The following STPG2 variants were observed in gnomAD, a reference collection of about 807,000 sequenced individuals.
STPG2 encodes the protein sperm tail PG-rich repeat containing 2.
Under a neutral mutation model 54.2 loss-of-function variants are expected in STPG2, and 56 were observed. The ratio of observed to expected loss-of-function variants is 1.03; its 90% CI spans 0.83 to 1.29. The LOEUF (loss-of-function observed/expected upper bound fraction) is 1.29, where lower values mean the gene tolerates loss of function less well. STPG2 is among the 50% of genes most tolerant of loss of function. STPG2 has a pLI of 0.00. For missense variants in STPG2, 596 were observed against 544.9 expected, an observed-to-expected ratio of 1.09 and a Z score of -0.93; for synonymous variants, 200 against 181.8, an observed-to-expected ratio of 1.10 and a Z score of -0.81.
intron 4 of STPG2, among the ~76,000 whole-genome samples, chr4:97,447,549 G>A (rs564595870): frequency 6.6e-6 from 1 of 151,632 alleles, no homozygotes; most frequent in South Asian, 2.1e-4. Context: ...CTATGACCCA[G>A]ATGCTTCAGC....
chr4:98,056,553 T>C (rs1302839627), intron 5 of STPG2, among the ~76,000 whole-genome samples: 1 of 152,046 alleles, frequency 6.6e-6, no homozygotes, highest in African/African-American at 2.4e-5. Context: ...AGCTGTGTGC[T>C]GGCCCCCTAA....
intron 5 of STPG2, among the ~76,000 whole-genome samples, chr4:98,007,069 C>G (rs940346911): frequency 6.6e-6 from 1 of 152,188 alleles, no homozygotes; most frequent in South Asian, 2.1e-4. Flanking sequence ...AGCTTCACCC[C>G]CTGCTCCAAG....
intron 5 of STPG2, among the ~76,000 whole-genome samples, chr4:98,003,714 T>C (rs566348426): frequency 2.0e-5 from 3 of 152,238 alleles, no homozygotes; most frequent in African/African-American, 7.2e-5. Flanking sequence ...GTTGTATCAA[T>C]TATTCATTTA....
chr4:97,499,814 C>T (rs1048367962), intron 4 of STPG2, among the ~76,000 whole-genome samples: 10 of 151,774 alleles, frequency 6.6e-5, no homozygotes, highest in African/African-American at 2.2e-4. Context: ...CAAGGGCAGG[C>T]GTGAGAAACA....
chr4:97,860,286 G>A (rs928898017), intron 8 of STPG2, among the ~76,000 whole-genome samples: 3 of 151,900 alleles, frequency 2.0e-5, no homozygotes, highest in Non-Finnish European at 4.4e-5. Context: ...ACTTTTATGG[G>A]AATTGCATTA....
In STPG2 at chr4:98,091,574, C is replaced by A. The variant is rs75456107; in HGVS notation, c.612+14379G>T. Among the ~76,000 whole-genome samples the A allele has an allele frequency of 1.7e-3, 258 of 152,128 alleles. 15 individuals are homozygous for A. In the East Asian group the frequency reaches 0.038, roughly 22 times the overall value. The stretch of plus-strand genomic sequence containing the variant: ...AGCCTCATTGACTTTATTTGGATCT[C>A]ATTGTATAATTGTTTAGATATTTGT... On this transcript the variant is annotated intron_variant, in intron 5 of 10. Transcript: ENST00000295268.
intron 8 of STPG2, among the ~76,000 whole-genome samples, chr4:97,888,178 G>T (rs1213463075): frequency 6.6e-6 from 1 of 152,178 alleles, no homozygotes; most frequent in Non-Finnish European, 1.5e-5. Flanking sequence ...AGTGGGGTTG[G>T]AGACCCCAAA....
chr4:97,713,356 T>C (rs1367139353), intron 9 of STPG2, among the ~76,000 whole-genome samples: 1 of 152,176 alleles, frequency 6.6e-6, no homozygotes, highest in Non-Finnish European at 1.5e-5. Flanking sequence ...GGTTCCAACT[T>C]GTATTCTTCA....
chr4:97,767,896 G>A (rs1415657307), intron 9 of STPG2, among the ~76,000 whole-genome samples: 2 of 152,138 alleles, frequency 1.3e-5, no homozygotes, highest in Non-Finnish European at 2.9e-5. Flanking sequence ...GGCCAGGCAC[G>A]ATGGCTCACG....
rs186706163 is a variant in STPG2, at chr4:97,956,927, T to A, written c.934-12920A>T. ...TAAGACAAAATAAGGTTCATTAACA[T>A]CCTCAAAAAATCACATTAGCTCACC... On this transcript the variant is annotated intron_variant, in intron 7 of 10. Coordinates refer to ENST00000295268, the MANE Select transcript of STPG2 (RefSeq NM_174952.3). Among the ~76,000 whole-genome samples, 88 of 152,006 alleles carry A rather than the reference T, an allele frequency of 5.8e-4. No homozygotes were observed. The Middle Eastern group carries it at 0.01, about 18-fold the overall frequency.
At chr4:98,093,863 GC>G (rs1177534602) in intron 5 of STPG2, among the ~76,000 whole-genome samples, 1 of 152,172 alleles carries the variant, frequency 6.6e-6, no homozygotes. Flanking sequence ...ATTTGGACTA[GC>G]CCTAGCCAGA....
At chr4:97,819,584 A>G (rs1214401296) in intron 9 of STPG2, among the ~76,000 whole-genome samples, 1 of 152,146 alleles carries the variant, frequency 6.6e-6, no homozygotes, top group Non-Finnish European at 1.5e-5. Flanking sequence ...CTTATATGCT[A>G]TGCATTGCTG....
intron 10 of STPG2, among the ~76,000 whole-genome samples, chr4:97,686,572 A>AG (rs1723195040): frequency 6.6e-6 from 1 of 152,100 alleles, no homozygotes; most frequent in African/African-American, 2.4e-5. Flanking sequence ...GCAAACTGGG[A>AG]GAAGGCTGGT....
chr4:97,918,485 T>C (rs1731970365), intron 8 of STPG2, among the ~76,000 whole-genome samples: 1 of 152,006 alleles, frequency 6.6e-6, no homozygotes, highest in Admixed American at 6.6e-5. Context: ...ATTGGTCACA[T>C]GCTGATCCAT....
intron 5 of STPG2, among the ~76,000 whole-genome samples, chr4:98,004,437 T>C (rs2149277796): frequency 6.6e-6 from 1 of 152,300 alleles, no homozygotes; most frequent in East Asian, 1.9e-4. Flanking sequence ...GTGAATCATA[T>C]TGCAATGAAC....
chr4:97,972,484 T>C (rs766865488), intron 6 of STPG2, 44 bp from the exon 7 acceptor site: 3 of 1,187,796 alleles, frequency 2.5e-6, no homozygotes, highest in Non-Finnish European at 3.4e-6. Flanking sequence ...AGCATGCTTT[T>C]ATATGCACCT....
intron 9 of STPG2, among the ~76,000 whole-genome samples, chr4:97,818,722 C>T (rs1727993308): frequency 6.6e-6 from 1 of 151,786 alleles, no homozygotes; most frequent in South Asian, 2.1e-4. Flanking sequence ...CTCCCCACTC[C>T]ACCCTGCATA....
chr4:98,057,410 C>A (rs984412403), intron 5 of STPG2, among the ~76,000 whole-genome samples: 1 of 152,012 alleles, frequency 6.6e-6, no homozygotes, highest in Non-Finnish European at 1.5e-5. Context: ...TGTCATAATG[C>A]AATCACAAGT....
chr4:97,906,095 T>C (rs1731405287), intron 8 of STPG2, among the ~76,000 whole-genome samples: 1 of 151,330 alleles, frequency 6.6e-6, no homozygotes, highest in Non-Finnish European at 1.5e-5. Context: ...TTTGAAAGGA[T>C]CAACAAAACT....
Sources: gnomAD v4.1 joint callset for allele counts (sites outside exome capture counted in the v4.1 genomes callset) on GRCh38, gnomAD v4.1.1 for gene constraint, MANE v1.5 for transcripts, NCBI Gene and HGNC (gene_info 2026-07-23, HGNC 2026-07-21) for gene names.